Variants in LRRIQ1 observed in about 807,000 individuals in gnomAD.
LRRIQ1 encodes the protein leucine rich repeats and IQ motif containing 1, also known as leucine-rich repeat- and IQ domain-containing protein 1.
A neutral mutation model predicts 211.9 loss-of-function variants in LRRIQ1; 210 were observed. The ratio of observed to expected loss-of-function variants is 0.99; its 90% CI spans 0.89 to 1.11. The LOEUF (loss-of-function observed/expected upper bound fraction) is 1.11. Ranked by LOEUF, LRRIQ1 falls within the 50% of genes most tolerant of loss-of-function variation. LRRIQ1 has a pLI of 0.00. For missense variants in LRRIQ1, 2,136 were observed against 1,939.5 expected (o/e 1.10, Z -1.90); for synonymous variants, 699 against 650.1 (o/e 1.08, Z -1.14).
chr12:85,106,729 A>C, intron 15 of LRRIQ1, 114 bp downstream of exon 15: 1 of 700,324 alleles, frequency 1.4e-6, no homozygotes, highest in Non-Finnish European at 2.3e-6. Context: ...TTAAAAAATT[A>C]AAAGTCATTT....
At chr12:85,060,092 CT>C (rs1225599384) in intron 8 of LRRIQ1, among the ~76,000 whole-genome samples, 1 of 151,842 alleles carries the variant, frequency 6.6e-6, no homozygotes, top group Admixed American at 6.6e-5. Context: ...CTTTCACAAA[CT>C]GGAACAGCAA....
intron 24 of LRRIQ1, among the ~76,000 whole-genome samples, chr12:85,214,301 A>G (rs1893974828): frequency 6.6e-6 from 1 of 152,110 alleles, no homozygotes; most frequent in Non-Finnish European, 1.5e-5. Flanking sequence ...TTAACTTATG[A>G]CTACAATCTC....
chr12:85,198,677 C>T lies in LRRIQ1; in HGVS notation c.4823-30840C>T, dbSNP rs910194658. On this transcript the variant is annotated intron_variant, in intron 24 of 26. Transcript: ENST00000393217. ...CCGCCTCCTGGGTTCACTCCATTCTCCTGCCTCAGCTTCCCAAGTAGCTGG... is the reference window on the plus strand; with the variant it reads ...CCGCCTCCTGGGTTCACTCCATTCTTCTGCCTCAGCTTCCCAAGTAGCTGG... Among the ~76,000 whole-genome samples the T allele has an allele frequency of 6.6e-5, 10 of 151,970 alleles. No individual in the cohort carries two copies. The South Asian group carries it at 1.9e-3, about 28-fold the overall frequency.
chr12:85,236,861 C>CATAT (rs1895212304), intron 26 of LRRIQ1, among the ~76,000 whole-genome samples: 1 of 69,666 alleles, frequency 1.4e-5, no homozygotes, highest in Non-Finnish European at 2.6e-5. Context: ...ATATATCTCC[C>CATAT]AGATTATTTT....
chr12:85,247,648 G>C (rs1333330868), downstream of LRRIQ1, among the ~76,000 whole-genome samples: 1 of 151,428 alleles, frequency 6.6e-6, no homozygotes, highest in Non-Finnish European at 1.5e-5. Context: ...TATACATAAA[G>C]CATATGATAT....
intron 13 of LRRIQ1, among the ~76,000 whole-genome samples, chr12:85,102,768 T>G (rs922787426): frequency 2.0e-5 from 3 of 150,456 alleles, no homozygotes; most frequent in African/African-American, 7.3e-5. Flanking sequence ...AATAAAGAGG[T>G]AAAGGACCCT....
chr12:85,122,806 T>C (rs1245259123), intron 16 of LRRIQ1, among the ~76,000 whole-genome samples: 1 of 152,096 alleles, frequency 6.6e-6, no homozygotes, highest in Non-Finnish European at 1.5e-5. Context: ...TTATTTACAT[T>C]TGTCTTTATG....
At chr12:85,082,499 T>G (rs1884404014) in intron 11 of LRRIQ1, among the ~76,000 whole-genome samples, 1 of 152,194 alleles carries the variant, frequency 6.6e-6, no homozygotes, top group African/African-American at 2.4e-5. Context: ...TCATTTGTTT[T>G]CTCCTTCTGA....
At chr12:85,041,993 T>A (rs960355374) in intron 3 of LRRIQ1, among the ~76,000 whole-genome samples, 2 of 151,958 alleles carry the variant, frequency 1.3e-5, no homozygotes, top group African/African-American at 4.8e-5. Flanking sequence ...ATGTAAAGAT[T>A]TACTGTATAT....
chr12:85,217,656 A>G (rs1252953600), intron 24 of LRRIQ1, among the ~76,000 whole-genome samples: 2 of 134,682 alleles, frequency 1.5e-5, no homozygotes, highest in African/African-American at 6.7e-5. Flanking sequence ...GTGTATATGT[A>G]TATATGTATA....
intron 24 of LRRIQ1, among the ~76,000 whole-genome samples, chr12:85,207,739 G>A (rs1893632647): frequency 6.6e-6 from 1 of 152,020 alleles, no homozygotes; most frequent in Non-Finnish European, 1.5e-5. Context: ...TTTTGGGAGT[G>A]GGGAGGCATG....
At chr12:85,198,827 C>T (rs1893148250) in intron 24 of LRRIQ1, among the ~76,000 whole-genome samples, 1 of 152,104 alleles carries the variant, frequency 6.6e-6, no homozygotes, top group Non-Finnish European at 1.5e-5. Context: ...CTTGGCCTCC[C>T]AAAGTGCTGG....
At chr12:85,132,772 A>T (rs1888862083) in intron 18 of LRRIQ1, among the ~76,000 whole-genome samples, 1 of 151,916 alleles carries the variant, frequency 6.6e-6, no homozygotes, top group Non-Finnish European at 1.5e-5. Context: ...AAAAAAATAA[A>T]AAATAAATAA....
rs912909836 is a variant in LRRIQ1, at chr12:85,177,240, G to C, written c.4822+16526G>C. 9.9e-5 allele frequency among the ~76,000 whole-genome samples: 15 copies of C among 152,164 alleles called. No individual in the cohort carries two copies. The South Asian group carries it at 2.9e-3, about 29-fold the overall frequency. ...TTTATTGAATTTCTGCTTTGAGTTT[G>C]GCATTGCGGAAAAAGATGAGGGTAC... is the stretch of plus-strand genomic sequence containing the variant. On this transcript the variant is annotated intron_variant, in intron 24 of 26. Transcript: ENST00000393217.
chr12:85,057,275 G>T, intron 8 of LRRIQ1, 91 bp downstream of exon 8: 2 of 1,003,180 alleles, frequency 2.0e-6, no homozygotes, highest in South Asian at 2.5e-5. Context: ...GAAATATTTT[G>T]TATACAAGAA....
At chr12:85,260,035 G>A (rs1286864472) in intron 1 of LRRIQ1, among the ~76,000 whole-genome samples, 1 of 137,446 alleles carries the variant, frequency 7.3e-6, no homozygotes, top group Non-Finnish European at 1.5e-5. Flanking sequence ...ATTTCATTTT[G>A]AAATATTTTA....
chr12:85,228,315 T>A (rs1212762443), intron 24 of LRRIQ1, among the ~76,000 whole-genome samples: 1 of 152,052 alleles, frequency 6.6e-6, no homozygotes, highest in South Asian at 2.1e-4. Context: ...AGAACTTTTG[T>A]ATAATTATAA....
At chr12:85,271,921 T>C in the LRRIQ1 span, among the ~76,000 whole-genome samples, 2 of 152,148 alleles carry the variant, frequency 1.3e-5, no homozygotes, top group African/African-American at 4.8e-5. Flanking sequence ...ACACAGTAAG[T>C]ACAAAATATA....
rs78598688 is a variant in LRRIQ1 at position 85,192,060 on chromosome 12, C to T, written c.4822+31346C>T. On this transcript the variant is annotated intron_variant, in intron 24 of 26. Transcript: ENST00000393217. Reference sequence around the variant, plus strand: ...TGTTACAAAGGTAAATTGCGTGTCACGGGGGGTTGTTTACAGATTATTCTG... The same window carrying T: ...TGTTACAAAGGTAAATTGCGTGTCATGGGGGGTTGTTTACAGATTATTCTG... Among the ~76,000 whole-genome samples, 169 of 151,476 alleles carry T rather than the reference C, an allele frequency of 1.1e-3. 1 individual carries two copies. In the East Asian group the frequency reaches 0.019, roughly 17 times the overall value.
Sources: gnomAD v4.1 joint callset for allele counts (sites outside exome capture counted in the v4.1 genomes callset) on GRCh38, gnomAD v4.1.1 for gene constraint, MANE v1.5 for transcripts, NCBI Gene and HGNC (gene_info 2026-07-23, HGNC 2026-07-21) for gene names.